TMEM154: variants seen among roughly 807,000 people sequenced by gnomAD.
The protein encoded by TMEM154 is transmembrane protein 154.
In TMEM154, 27 loss-of-function variants were observed where a neutral mutation model predicts 24.5. The observed-to-expected ratio is 1.10, with a 90% CI of 0.81 to 1.52. The LOEUF (loss-of-function observed/expected upper bound fraction) is 1.52, where lower values mean the gene tolerates loss of function less well. TMEM154 is among the 40% of genes most tolerant of loss of function. The pLI is 0.00. For synonymous variants in TMEM154, 67 were observed against 76.8 expected (o/e 0.87, Z 0.67); for missense variants, 228 against 213.4 (o/e 1.07, Z -0.43).
rs191946681 is a variant in TMEM154, at chr4:152,654,895, A to G, written c.65-1968T>C. On this transcript the variant is annotated intron_variant, in intron 1 of 6. Transcript: ENST00000304385. ...AATTGTGTTGATTGTATGAATAAATACTTTCAGTCTCCCACATCAGGGAAT... is the reference window on the plus strand; with the variant it reads ...AATTGTGTTGATTGTATGAATAAATGCTTTCAGTCTCCCACATCAGGGAAT... Among the ~76,000 whole-genome samples, 6 of 152,326 alleles carry G rather than the reference A, an allele frequency of 3.9e-5. No individual in the cohort carries two copies. The East Asian group carries it at 9.7e-4, about 25-fold the overall frequency.
chr4:152,669,311 C>A (rs777547921), intron 1 of TMEM154: 2 of 151,938 alleles, frequency 1.3e-5, no homozygotes, highest in Non-Finnish European at 2.9e-5. Context: ...TAGTGATGAA[C>A]CAGAACCAAC....
At chr4:152,648,913 C>T (rs1403375667) in intron 3 of TMEM154, among the ~76,000 whole-genome samples, 1 of 152,024 alleles carries the variant, frequency 6.6e-6, no homozygotes, top group Non-Finnish European at 1.5e-5. Context: ...GCTCTGTTTG[C>T]TTTTTTTTCT....
intron 3 of TMEM154, among the ~76,000 whole-genome samples, chr4:152,646,031 G>A (rs1752365992): frequency 6.6e-6 from 1 of 151,026 alleles, no homozygotes; most frequent in Admixed American, 6.6e-5. Context: ...ATTTCCTTAA[G>A]GAATTTTAAT....
At chr4:152,670,194 C>T (rs891902047) in intron 1 of TMEM154, 1 of 152,212 alleles carries the variant, frequency 6.6e-6, no homozygotes, top group African/African-American at 2.4e-5. Flanking sequence ...AAAATGTTTT[C>T]TCCGCAGCTA....
chr4:152,631,793 C>CT (rs34455123), intron 6 of TMEM154, among the ~76,000 whole-genome samples: 11 of 61,432 alleles, frequency 1.8e-4, no homozygotes, highest in African/African-American at 7.2e-4. Context: ...ATCTATCCCC[C>CT]TTTTTTTTTT....
chr4:152,639,382 T>G (rs186281810), intron 6 of TMEM154, among the ~76,000 whole-genome samples: 317 of 152,326 alleles, frequency 2.1e-3, no homozygotes, highest in Non-Finnish European at 3.5e-3. Context: ...TTAGCATCAT[T>G]GAGGTTGCTC....
In TMEM154 at chr4:152,644,409, A is replaced by G; in HGVS notation, c.392+6T>C. 1 of 1,614,164 alleles carries G rather than the reference A, an allele frequency of 6.2e-7. No homozygotes were observed. On this transcript the variant is annotated splice_donor_region_variant and intron_variant, in intron 4 of 6. Transcript: ENST00000304385. ...AGGTGGATCAGAAGCAGCAGGGAAA[A>G]CTTACACTTTCACGTTTTCACTTCC...
chr4:152,679,726 A>G, intron 1 of TMEM154, 144 bp downstream of exon 1: 3 of 1,207,226 alleles, frequency 2.5e-6, no homozygotes, highest in Non-Finnish European at 3.6e-6. Flanking sequence ...CCCCAAAAAA[A>G]GGAGTTCTAA....
intron 1 of TMEM154, among the ~76,000 whole-genome samples, chr4:152,672,995 A>G (rs1728878040): frequency 6.6e-6 from 1 of 152,232 alleles, no homozygotes; most frequent in African/African-American, 2.4e-5. Flanking sequence ...GGTTTGGCCC[A>G]TGGGTCTTAG....
chr4:152,665,068 A>G (rs1310028870), intron 1 of TMEM154, among the ~76,000 whole-genome samples: 1 of 152,134 alleles, frequency 6.6e-6, no homozygotes, highest in African/African-American at 2.4e-5. Context: ...CCATACCCCA[A>G]ACTCAGTTAC....
intron 6 of TMEM154, among the ~76,000 whole-genome samples, chr4:152,631,555 C>T (rs557383335): frequency 1.4e-4 from 21 of 151,188 alleles, no homozygotes; most frequent in South Asian, 1.1e-3. Flanking sequence ...CACCTCATCT[C>T]CCCTTCCCCC....
chr4:152,621,259 T>C lies in TMEM154; in HGVS notation c.*7287A>G, dbSNP rs1267071937. ...TCATGCTGGAGTTACAACCACCATTTTGGATCATGTGGCAACACAGGAAAG... is the reference window on the plus strand; with the variant it reads ...TCATGCTGGAGTTACAACCACCATTCTGGATCATGTGGCAACACAGGAAAG... On this transcript the variant is annotated 3_prime_UTR_variant, in exon 7 of 7. Transcript: ENST00000304385. 1.3e-5 allele frequency: 2 copies of C among 152,236 alleles called. No individual in the cohort carries two copies. The highest frequency in any genetic ancestry group is 2.4e-5 in the African/African-American group (1 of 41,462). The allele number at this position is 152,236 out of a possible 1,614,324, so 9.4% of individuals were successfully genotyped here.
intron 3 of TMEM154, chr4:152,647,122 C>T (rs1486546940): frequency 6.9e-6 from 10 of 1,443,640 alleles, no homozygotes; most frequent in Non-Finnish European, 9.3e-6. Flanking sequence ...TTGGCCAAGT[C>T]CTCTCCCATT....
At position 152,649,298 on chromosome 4, in the gene TMEM154, C is replaced by T. The variant is rs113321863; in HGVS notation, c.364+3240G>A. Among the ~76,000 whole-genome samples, 33 of 152,336 alleles carry T rather than the reference C, an allele frequency of 2.2e-4. No individual in the cohort carries two copies. The South Asian group carries it at 5.4e-3, about 25-fold the overall frequency. The stretch of plus-strand genomic sequence containing the variant: ...ACTATAAAGGCTTTAACTTAAAAAT[C>T]GAATCCGAGCGAGTTTTACTGGCAC... On this transcript the variant is annotated intron_variant, in intron 3 of 6. Transcript: ENST00000304385.
chr4:152,656,835 C>T (rs1289380920), intron 1 of TMEM154, among the ~76,000 whole-genome samples: 3 of 151,714 alleles, frequency 2.0e-5, no homozygotes, highest in Non-Finnish European at 2.9e-5. Flanking sequence ...GCAGGAGAAT[C>T]GTTTGAACCT....
rs1456245871 is a variant in TMEM154, at chr4:152,638,451, A to C, written c.536+2477T>G. Among the ~76,000 whole-genome samples, 5 of 152,186 alleles carry C rather than the reference A, an allele frequency of 3.3e-5. No homozygotes were observed. In the South Asian group the frequency reaches 6.2e-4, roughly 19 times the overall value. ...AACCACCAGGGAACACAGGGACAAA[A>C]ATAATGCTTCGCCCACCAGTATTGA... On this transcript the variant is annotated intron_variant, in intron 6 of 6. Transcript: ENST00000304385.
At chr4:152,634,461 A>G (rs1183704960) in intron 6 of TMEM154, among the ~76,000 whole-genome samples, 1 of 152,182 alleles carries the variant, frequency 6.6e-6, no homozygotes, top group African/African-American at 2.4e-5. Context: ...TTTCTCTTCA[A>G]TAGAATGTCC....
chr4:152,637,298 C>T (rs142714602), intron 6 of TMEM154, among the ~76,000 whole-genome samples: 249 of 152,274 alleles, frequency 1.6e-3, no homozygotes, highest in African/African-American at 5.9e-3. Context: ...GTAATCCCAG[C>T]GCTTTGGGAG....
chr4:152,669,846 G>T (rs1162721740), intron 1 of TMEM154: 1 of 152,202 alleles, frequency 6.6e-6, no homozygotes, highest in Non-Finnish European at 1.5e-5. Flanking sequence ...TTAAGGAAAA[G>T]AAGCCAGAAC....
Sources: allele counts gnomAD v4.1 joint callset (sites outside exome capture counted in the v4.1 genomes callset), GRCh38; gene constraint gnomAD v4.1.1; transcripts MANE v1.5; gene names NCBI Gene and HGNC (gene_info 2026-07-23, HGNC 2026-07-21).